TRDN: variants seen among roughly 807,000 people sequenced by gnomAD.
The protein encoded by TRDN is triadin, also known as triadin in skeletal muscle.
In TRDN, 161 loss-of-function variants were observed where a neutral mutation model predicts 149.7. The observed-to-expected ratio is 1.08, with a 90% CI of 0.95 to 1.23. The LOEUF (loss-of-function observed/expected upper bound fraction) is 1.23. TRDN is among the 50% of genes most tolerant of loss of function. The pLI is 0.00. For synonymous variants in TRDN, 294 were observed against 250.5 expected (o/e 1.17, Z -1.64); for missense variants, 896 against 823.5 (o/e 1.09, Z -1.08).
chr6:123,614,300 CAAAA>C (rs1199509406), intron 1 of TRDN, among the ~76,000 whole-genome samples: 3 of 99,856 alleles, frequency 3.0e-5, no homozygotes, highest in Non-Finnish European at 5.9e-5. Flanking sequence ...AAAAAAAAAA[CAAAA>C]AAAAAAAAAA....
rs1562379256 is a variant in TRDN, at chr6:123,547,348, C to T, written c.416G>A (p.Arg139Lys). 1 of 1,459,346 alleles carries T rather than the reference C, an allele frequency of 6.9e-7. No homozygotes were observed. The highest frequency in any genetic ancestry group is 9.1e-7 in the Non-Finnish European group (1 of 1,099,800). The allele number at this position is 1,459,346 out of a possible 1,614,324, so 90.4% of individuals were successfully genotyped here. The change falls in exon 4 of 41, where the codon AGA (arginine) becomes AAA (lysine). Residue 139 changes from arginine to lysine, a missense_variant. Physicochemically the swap from Arg to Lys is conservative, Grantham distance 26. Transcript: ENST00000334268. Reference sequence around the variant, plus strand: ...AGGTGAAAACAACTAACCTTTTTTTCTCAAGGGAGGCTCATCTATTTCTCC... The same window carrying T: ...AGGTGAAAACAACTAACCTTTTTTTTTCAAGGGAGGCTCATCTATTTCTCC... ...DKGEIDEPPLRKKEIHKDKTE... is the reference protein window; with the variant it reads ...DKGEIDEPPLKKKEIHKDKTE...
chr6:123,576,556 G>C (rs1782870508), intron 1 of TRDN, among the ~76,000 whole-genome samples: 1 of 151,688 alleles, frequency 6.6e-6, no homozygotes, highest in Non-Finnish European at 1.5e-5. Context: ...CTCTTCCATT[G>C]AGTGGAACGG....
intron 13 of TRDN, among the ~76,000 whole-genome samples, chr6:123,392,392 A>G (rs575769921): frequency 6.6e-6 from 1 of 152,158 alleles, no homozygotes; most frequent in South Asian, 2.1e-4. Context: ...CCACATCTAC[A>G]CTATGGTCCT....
At chr6:123,551,366 C>CACAT (rs1449915236) in intron 2 of TRDN, among the ~76,000 whole-genome samples, 3 of 147,984 alleles carry the variant, frequency 2.0e-5, no homozygotes, top group African/African-American at 7.3e-5. Context: ...CACACACACA[C>CACAT]ACACACACAC....
intron 35 of TRDN, among the ~76,000 whole-genome samples, chr6:123,256,393 G>A (rs1470942402): frequency 6.6e-6 from 1 of 151,996 alleles, no homozygotes; most frequent in Non-Finnish European, 1.5e-5. Context: ...TCTGGTTCTA[G>A]ATCCTTGAGG....
intron 10 of TRDN, among the ~76,000 whole-genome samples, chr6:123,459,428 G>T (rs72613284): frequency 0.21 from 32,530 of 151,896 alleles, 4,487 homozygotes; most frequent in East Asian, 0.63. Flanking sequence ...TGGTGGTTGT[G>T]GTCCCCTACT....
chr6:123,579,744 C>T (rs1472348982), intron 1 of TRDN, among the ~76,000 whole-genome samples: 3 of 152,144 alleles, frequency 2.0e-5, no homozygotes, highest in South Asian at 2.1e-4. Flanking sequence ...CCCTATAATC[C>T]CCACATGTCA....
intron 38 of TRDN, among the ~76,000 whole-genome samples, chr6:123,237,200 G>A (rs1232388926): frequency 6.6e-6 from 1 of 151,730 alleles, no homozygotes; most frequent in East Asian, 1.9e-4. Context: ...GTTTCCAATT[G>A]CATGTTGCAT....
chr6:123,619,088 T>C (rs1284690470), intron 1 of TRDN, among the ~76,000 whole-genome samples: 3 of 152,216 alleles, frequency 2.0e-5, no homozygotes, highest in Non-Finnish European at 4.4e-5. Flanking sequence ...TTGGGTAATG[T>C]AGTATTATGA....
chr6:123,549,109 G>T (rs1781261245), intron 2 of TRDN, among the ~76,000 whole-genome samples: 1 of 152,042 alleles, frequency 6.6e-6, no homozygotes, highest in African/African-American at 2.4e-5. Context: ...GAAGAATCTG[G>T]AATAGTCAAG....
Position 123,240,079 on chromosome 6 carries a change from A to G in TRDN, c.1975+12333T>C, listed in dbSNP as rs561701928. On this transcript the variant is annotated intron_variant, in intron 38 of 40. Coordinates refer to ENST00000334268, the MANE Select transcript of TRDN (RefSeq NM_006073.4). ...GAGATGAGAGACCAATACATGTCAT[A>G]AAATTAGAAAAAAGTAATCAAGGGA... is the stretch of plus-strand genomic sequence containing the variant. Among the ~76,000 whole-genome samples, 12 of 152,114 alleles carry G rather than the reference A, an allele frequency of 7.9e-5. No individual in the cohort carries two copies. In the East Asian group the frequency reaches 2.3e-3, roughly 29 times the overall value.
chr6:123,523,867 G>T (rs1046337522), intron 5 of TRDN, among the ~76,000 whole-genome samples: 3 of 152,076 alleles, frequency 2.0e-5, no homozygotes, highest in African/African-American at 7.2e-5. Context: ...CGTAAACAGA[G>T]GGTGCAGGCC....
intron 10 of TRDN, among the ~76,000 whole-genome samples, chr6:123,460,238 G>C (rs1460526093): frequency 1.3e-5 from 2 of 152,100 alleles, no homozygotes; most frequent in African/African-American, 2.4e-5. Flanking sequence ...TTATATTAGA[G>C]TTTTATGTAT....
At position 123,564,414 on chromosome 6, in the gene TRDN, A is replaced by G. The variant is rs189135420; in HGVS notation, c.232+6509T>C. ...ATAACATATTCGTGTGTGTGTGTGT[A>G]TATGAGTGTAAAATTAAATGTTAAA... is the stretch of plus-strand genomic sequence containing the variant. On this transcript the variant is annotated intron_variant, in intron 2 of 40. Coordinates refer to ENST00000334268, the MANE Select transcript of TRDN (RefSeq NM_006073.4). Among the ~76,000 whole-genome samples the G allele has an allele frequency of 2.8e-3, 427 of 152,292 alleles. 1 individual carries two copies. The highest frequency in any genetic ancestry group is 9.5e-3 in the African/African-American group (393 of 41,562).
intron 1 of TRDN, among the ~76,000 whole-genome samples, chr6:123,587,947 G>A (rs577274320): frequency 1.5e-3 from 230 of 152,256 alleles, no homozygotes; most frequent in Admixed American, 3.1e-3. Context: ...CTGTCGATCT[G>A]GATGTGTACG....
intron 9 of TRDN, among the ~76,000 whole-genome samples, chr6:123,465,354 A>C (rs1342084040): frequency 6.6e-6 from 1 of 152,094 alleles, no homozygotes; most frequent in Admixed American, 6.6e-5. Context: ...TCTTAATATA[A>C]AATTAATCAC....
At chr6:123,231,982 T>G (rs192411944) in intron 38 of TRDN, among the ~76,000 whole-genome samples, 5 of 152,012 alleles carry the variant, frequency 3.3e-5, no homozygotes, top group African/African-American at 9.7e-5. Flanking sequence ...TGTAAACTTG[T>G]GCAGACAAAG....
intron 6 of TRDN, among the ~76,000 whole-genome samples, chr6:123,514,655 C>CACACAT (rs1171936452): frequency 3.3e-5 from 5 of 151,880 alleles, no homozygotes; most frequent in East Asian, 1.9e-4. Flanking sequence ...CACACACACA[C>CACACAT]ACACACACAT....
Position 123,231,100 on chromosome 6 carries a change from C to T in TRDN, c.1976-6969G>A, listed in dbSNP as rs1294064633. Among the ~76,000 whole-genome samples the T allele has an allele frequency of 3.9e-5, 6 of 152,030 alleles. No homozygotes were observed. The East Asian group carries it at 1.2e-3, about 29-fold the overall frequency. ...AAGAAGGCATGAAGCTAACTTTCCT[C>T]AACATCAAGACCCTCACTCTTTCCT... On this transcript the variant is annotated intron_variant, in intron 38 of 40. Transcript: ENST00000334268.
Sources: allele counts gnomAD v4.1 joint callset (sites outside exome capture counted in the v4.1 genomes callset), GRCh38; gene constraint gnomAD v4.1.1; transcripts MANE v1.5; gene names NCBI Gene and HGNC (gene_info 2026-07-23, HGNC 2026-07-21).